Variants in OR7C1 observed in about 807,000 individuals in gnomAD.
OR7C1 encodes olfactory receptor 7C1.
For synonymous variants in OR7C1, 152 were observed against 160.7 expected, an observed-to-expected ratio of 0.95 and a Z score of 0.41; for missense variants, 324 against 383.3, an observed-to-expected ratio of 0.85 and a Z score of 1.29.
intron 2 of OR7C1, among the ~76,000 whole-genome samples, chr19:14,803,229 A>C (rs112461247): frequency 0.24 from 35,769 of 149,426 alleles, 4,906 homozygotes; most frequent in African/African-American, 0.37. Flanking sequence ...GTCACTTGAA[A>C]CTGGGAGATG....
chr19:14,801,162 T>C (rs2041101), intron 2 of OR7C1, among the ~76,000 whole-genome samples: 38,742 of 152,066 alleles, frequency 0.25, 5,851 homozygotes, highest in African/African-American at 0.42. Flanking sequence ...TCTTCTCACC[T>C]TTGTTCTCCT....
chr19:14,822,846 A>AT lies in OR7C1; in HGVS notation c.-623+12227dup, dbSNP rs879410548. Among the ~76,000 whole-genome samples the AT allele has an allele frequency of 2.2e-3, 302 of 137,270 alleles. 3 individuals are homozygous for AT. In the South Asian group the frequency reaches 0.033, roughly 15 times the overall value. 90.1% of individuals were successfully genotyped at this position (137,270 alleles called of 152,430 possible). Reference sequence around the variant, plus strand: ...ACATGTCTCTTCATGTCCTCTGCCTATTTTTTTTTTTTTAAACTGGGTTAC... The same window carrying AT: ...ACATGTCTCTTCATGTCCTCTGCCTATTTTTTTTTTTTTTAAACTGGGTTAC... On this transcript the variant is annotated intron_variant, in intron 1 of 4. Transcript: ENST00000641666.
intron 4 of OR7C1, 21 bp downstream of exon 4, chr19:14,800,230 GAAGGA>G: frequency 7.3e-7 from 1 of 1,361,914 alleles, no homozygotes; most frequent in Non-Finnish European, 9.9e-7. Flanking sequence ...AATTTTAAGT[GAAGGA>G]ATCAATTAAC....
At chr19:14,809,061 A>G (rs1452061327) in intron 2 of OR7C1, among the ~76,000 whole-genome samples, 1 of 152,034 alleles carries the variant, frequency 6.6e-6, no homozygotes, top group Non-Finnish European at 1.5e-5. Flanking sequence ...AAATGAACAA[A>G]TAAATCAATG....
exon 2 of OR7C1, chr19:14,809,949 A>G (rs1303670565): frequency 6.6e-6 from 1 of 151,998 alleles, no homozygotes; most frequent in East Asian, 1.9e-4. Context: ...AGAGAGGCAT[A>G]GAGAAGGTGC....
At chr19:14,832,967 ACT>A (rs1194706441) in intron 1 of OR7C1, among the ~76,000 whole-genome samples, 2 of 151,966 alleles carry the variant, frequency 1.3e-5, no homozygotes, top group African/African-American at 4.8e-5. Flanking sequence ...TTCATAAAAA[ACT>A]CTTGCACAGA....
Position 14,799,540 on chromosome 19 carries a change from T to C in OR7C1, c.597A>G (p.Ile199Met). ...CACCCAGGACGCCAGTTGCAAAGTA[T>C]ATCACCACGTTATTAATGAAGGTGT... The change falls in exon 5 of 5, where the codon ATA becomes ATG. Residue 199 changes from isoleucine (I) to methionine (M), a missense_variant. Transcript: ENST00000641666. 1 of 1,614,238 alleles carries C rather than the reference T, an allele frequency of 6.2e-7. No individual in the cohort carries two copies. Among genetic ancestry groups the C allele is most frequent in the Non-Finnish European group, 8.5e-7 (1 of 1,180,040 alleles).
At chr19:14,799,129 T>A in exon 5 of OR7C1, 1 of 1,548,846 alleles carries the variant, frequency 6.5e-7, no homozygotes. Flanking sequence ...TTGGATACAT[T>A]CAAGAACCAC....
chr19:14,833,255 G>A (rs1042598844), intron 1 of OR7C1, among the ~76,000 whole-genome samples: 1 of 152,234 alleles, frequency 6.6e-6, no homozygotes, highest in South Asian at 2.1e-4. Flanking sequence ...CAGGTGGGTG[G>A]ATCACTTGAG....
At chr19:14,815,527 A>G (rs1443329490) in intron 1 of OR7C1, among the ~76,000 whole-genome samples, 1 of 152,182 alleles carries the variant, frequency 6.6e-6, no homozygotes, top group Non-Finnish European at 1.5e-5. Context: ...GCTAGAGGCT[A>G]TGCTTCCCAC....
chr19:14,822,608 T>G (rs1312792109), intron 1 of OR7C1, among the ~76,000 whole-genome samples: 1 of 151,968 alleles, frequency 6.6e-6, no homozygotes, highest in Non-Finnish European at 1.5e-5. Context: ...GGTCTTCAAC[T>G]CTTGACCTCG....
chr19:14,806,305 A>G (rs2044666434), intron 2 of OR7C1, among the ~76,000 whole-genome samples: 1 of 151,992 alleles, frequency 6.6e-6, no homozygotes. Context: ...TGCTCCTTCC[A>G]TCACACAATG....
At chr19:14,816,552 C>T (rs894742424) in intron 1 of OR7C1, among the ~76,000 whole-genome samples, 1 of 152,198 alleles carries the variant, frequency 6.6e-6, no homozygotes, top group Non-Finnish European at 1.5e-5. Context: ...CTTGGACTTA[C>T]AGCAGTGGTT....
chr19:14,818,122 C>T lies in OR7C1; in HGVS notation c.-622-8129G>A, dbSNP rs553331138. ...TATTTATTTTTGAGACGGAGTCTCGCTCTGTCCCCTAGACTGGAGCGCAGT... is the reference window on the plus strand; with the variant it reads ...TATTTATTTTTGAGACGGAGTCTCGTTCTGTCCCCTAGACTGGAGCGCAGT... On this transcript the variant is annotated intron_variant, in intron 1 of 4. Coordinates refer to ENST00000641666, the Ensembl canonical transcript of OR7C1. Among the ~76,000 whole-genome samples, 10 of 143,756 alleles carry T rather than the reference C, an allele frequency of 7.0e-5. No homozygotes were observed. The South Asian group carries it at 2.2e-3, about 31-fold the overall frequency. The allele number at this position is 143,756 out of a possible 152,430, so 94.3% of individuals were successfully genotyped here. A position where few individuals can be genotyped will look rare whatever the true frequency, so the allele number is the denominator to read the frequency against.
At chr19:14,809,017 A>G (rs1410963473) in intron 2 of OR7C1, among the ~76,000 whole-genome samples, 1 of 152,020 alleles carries the variant, frequency 6.6e-6, no homozygotes, top group African/African-American at 2.4e-5. Flanking sequence ...CATATTGAGT[A>G]GGTTTCTTGA....
At chr19:14,810,997 C>CT (rs1276254735) in intron 1 of OR7C1, among the ~76,000 whole-genome samples, 1 of 151,910 alleles carries the variant, frequency 6.6e-6, no homozygotes, top group African/African-American at 2.4e-5. Flanking sequence ...CTGACAGTGA[C>CT]TAAGAGCATG....
chr19:14,802,469 G>A (rs576811149), intron 2 of OR7C1, among the ~76,000 whole-genome samples: 23 of 152,340 alleles, frequency 1.5e-4, no homozygotes, highest in Middle Eastern at 3.4e-3. Flanking sequence ...GCAGTGAGCC[G>A]AGATTGTACC....
chr19:14,818,057 A>ATTTGT (rs1555695166), intron 1 of OR7C1, among the ~76,000 whole-genome samples: 12 of 138,622 alleles, frequency 8.7e-5, no homozygotes, highest in African/African-American at 3.4e-4. Context: ...CATACATTTT[A>ATTTGT]TTTATTTTAT....
chr19:14,809,345 A>G (rs1370561861), intron 2 of OR7C1, among the ~76,000 whole-genome samples: 1 of 151,974 alleles, frequency 6.6e-6, no homozygotes, highest in East Asian at 1.9e-4. Context: ...AGGCTTGCAC[A>G]TACGTAAAGG....
Sources: gnomAD v4.1 joint callset for allele counts (sites outside exome capture counted in the v4.1 genomes callset) on GRCh38, gnomAD v4.1.1 for gene constraint, MANE v1.5 for transcripts, NCBI Gene and HGNC (gene_info 2026-07-23, HGNC 2026-07-21) for gene names.